The following CASP5 variants were observed in gnomAD, a reference collection of about 807,000 sequenced individuals.
CASP5 encodes caspase 5.
CASP5 carries 42 observed loss-of-function variants against 45.2 expected under a neutral mutation model. The observed-to-expected ratio is 0.93, with a 90% confidence interval of 0.73 to 1.20. The LOEUF is 1.20. Among genes scored for constraint, CASP5 ranks in the 50% most tolerant of loss-of-function variants. CASP5 has a pLI of 0.00. For missense variants in CASP5, 512 were observed against 532.2 expected (o/e 0.96, Z 0.37); for synonymous variants, 209 against 186.2 (o/e 1.12, Z -1.00).
chr11:105,023,146 C>T lies in CASP5; in HGVS notation c.-10G>A. On this transcript the variant is annotated 5_prime_UTR_variant, in exon 1 of 10. Coordinates refer to ENST00000260315, the MANE Select transcript of CASP5 (RefSeq NM_004347.5). ...CAGACTCACCAGCCATAGCTAACAG[C>T]CTCTGTCTCTTTGTACAGCACTGGA... The T allele has an allele frequency of 6.4e-7, 1 of 1,551,138 alleles. No individual in the cohort carries two copies. The highest frequency in any genetic ancestry group is 8.7e-7 in the Non-Finnish European group (1 of 1,146,436).
intron 8 of CASP5, 117 bp from the exon 9 acceptor site, chr11:104,995,959 C>T (rs936885111): frequency 6.3e-6 from 4 of 630,786 alleles, no homozygotes; most frequent in Non-Finnish European, 1.1e-5. Context: ...TAGGACCAAG[C>T]CCATGGATAT....
chr11:105,010,135 C>T (rs918642503), intron 1 of CASP5, among the ~76,000 whole-genome samples: 2 of 150,574 alleles, frequency 1.3e-5, no homozygotes, highest in African/African-American at 4.9e-5. Flanking sequence ...GGACATTGAA[C>T]AAAATTTTGG....
intron 1 of CASP5, among the ~76,000 whole-genome samples, chr11:105,017,428 T>C (rs549759974): frequency 6.6e-6 from 1 of 152,088 alleles, no homozygotes; most frequent in East Asian, 1.9e-4. Flanking sequence ...GAAGAATGTA[T>C]AACTAGAATA....
intron 4 of CASP5, among the ~76,000 whole-genome samples, 200 bp from the exon 5 acceptor site, chr11:105,002,401 G>A (rs1397266427): frequency 2.0e-5 from 3 of 152,124 alleles, no homozygotes; most frequent in Non-Finnish European, 4.4e-5. Context: ...GAATCTTGAG[G>A]AAACTAGAAT....
In CASP5 at chr11:105,008,961, T is replaced by G. The variant is rs1236126590; in HGVS notation, c.27A>C (p.Lys9Asn). 1.3e-6 allele frequency: 2 copies of G among 1,588,196 alleles called. No homozygotes were observed. Among genetic ancestry groups the G allele is most frequent in the African/African-American group, 2.7e-5 (2 of 73,796 alleles). MAEDSGKKKRRKNFEAMFK... is the reference protein window; with the variant it reads MAEDSGKKNRRKNFEAMFK... ...ACATAGCTTCAAAATTCTTACGCCT[T>G]TTTTTTTTGCCACTGTCTTCTATCA... Residue 9 changes from lysine to asparagine, a missense_variant, in exon 2 of 10, where the codon AAA becomes AAC. Coordinates refer to ENST00000260315, the MANE Select transcript of CASP5 (RefSeq NM_004347.5).
intron 2 of CASP5, among the ~76,000 whole-genome samples, chr11:105,007,994 A>G (rs574294028): frequency 4.6e-5 from 7 of 152,134 alleles, no homozygotes; most frequent in Non-Finnish European, 1.0e-4. Context: ...CTACTCTAGC[A>G]TGGTGAATTT....
chr11:105,012,590 CA>C (rs1862402825), intron 1 of CASP5, among the ~76,000 whole-genome samples: 1 of 151,550 alleles, frequency 6.6e-6, no homozygotes, highest in African/African-American at 2.4e-5. Flanking sequence ...ACAAATATTA[CA>C]AAATGAGCCA....
chr11:105,011,604 T>G (rs1263146367), intron 1 of CASP5, among the ~76,000 whole-genome samples: 3 of 151,684 alleles, frequency 2.0e-5, no homozygotes, highest in African/African-American at 7.2e-5. Flanking sequence ...GCAGTAAAGT[T>G]GAAGGATACA....
intron 9 of CASP5, among the ~76,000 whole-genome samples, chr11:104,995,474 T>A (rs1401367320): frequency 6.6e-6 from 1 of 152,222 alleles, no homozygotes; most frequent in Admixed American, 6.5e-5. Context: ...TATTTGTACA[T>A]TATTATTTTA....
Position 105,007,271 on chromosome 11 carries a change from C to A in CASP5, c.245G>T (p.Gly82Val), listed in dbSNP as rs1862052116. Residue 82 changes from glycine to valine, a missense_variant, in exon 3 of 10, where the codon GGT becomes GTT. By Grantham distance (109) the Gly-to-Val change is moderately radical (BLOSUM62 -3). Transcript: ENST00000260315. Reference sequence around the variant, plus strand: ...GTGTTTTGCCAAATAATTAAAAACACCATGAAGAACATCTTTGCCCAGGTA... The same window carrying A: ...GTGTTTTGCCAAATAATTAAAAACAACATGAAGAACATCTTTGCCCAGGTA... Reference protein sequence around the residue: ...LEYLGKDVLHGVFNYLAKHDV... With the variant: ...LEYLGKDVLHVVFNYLAKHDV... 1 of 1,611,518 alleles carries A rather than the reference C, an allele frequency of 6.2e-7. No individual in the cohort carries two copies.
intron 6 of CASP5, among the ~76,000 whole-genome samples, chr11:104,999,811 C>T (rs1477087343): frequency 6.6e-6 from 1 of 152,168 alleles, no homozygotes; most frequent in East Asian, 1.9e-4. Context: ...TAAATCCCCT[C>T]AAGTTTCCTT....
intron 4 of CASP5, among the ~76,000 whole-genome samples, chr11:105,003,009 C>A (rs565380137): frequency 1.3e-5 from 2 of 149,294 alleles, no homozygotes; most frequent in South Asian, 4.3e-4. Context: ...ACAGACTGGA[C>A]AACATAGGGA....
chr11:104,995,918 A>G, intron 8 of CASP5, 76 bp from the exon 9 acceptor site: 2 of 907,966 alleles, frequency 2.2e-6, no homozygotes, highest in South Asian at 1.4e-5. Flanking sequence ...GAACCAGGAA[A>G]TGCCTGAATG....
chr11:105,003,018 G>A (rs1861819147), intron 4 of CASP5, among the ~76,000 whole-genome samples: 1 of 141,854 alleles, frequency 7.0e-6, no homozygotes, highest in Non-Finnish European at 1.5e-5. Flanking sequence ...ACAACATAGG[G>A]AGACTATATC....
chr11:105,010,912 T>C (rs533608900), intron 1 of CASP5, among the ~76,000 whole-genome samples: 1 of 151,834 alleles, frequency 6.6e-6, no homozygotes, highest in South Asian at 2.1e-4. Context: ...AAGTATACAG[T>C]AACTCCGGAG....
At chr11:104,999,218 C>T (rs1371270004) in intron 6 of CASP5, among the ~76,000 whole-genome samples, 190 bp from the exon 7 acceptor site, 4 of 152,078 alleles carry the variant, frequency 2.6e-5, no homozygotes, top group Admixed American at 2.0e-4. Context: ...GCCCACCCCC[C>T]GACTGGCCCC....
chr11:105,022,049 C>G (rs1862992859), intron 1 of CASP5, among the ~76,000 whole-genome samples: 1 of 150,712 alleles, frequency 6.6e-6, no homozygotes. Flanking sequence ...TCTCAGTAAA[C>G]TATCACAAGA....
chr11:105,015,659 G>C (rs1313617157), intron 1 of CASP5, among the ~76,000 whole-genome samples: 1 of 151,758 alleles, frequency 6.6e-6, no homozygotes, highest in Non-Finnish European at 1.5e-5. Flanking sequence ...TCTACGACCA[G>C]TAAAGTCAGC....
rs114585661 is a variant in CASP5 at position 105,023,088 on chromosome 11, C to A, written c.7+42G>T. 5.0e-3 allele frequency: 7,779 copies of A among 1,546,878 alleles called. 305 individuals are homozygous for A. The African/African-American group carries it at 0.091, about 18-fold the overall frequency. ...GCAATAAATCAAGATTTTTCTAAGACCTGAGTACCCAGCTGCTAGTCAGAA... is the reference window on the plus strand; with the variant it reads ...GCAATAAATCAAGATTTTTCTAAGAACTGAGTACCCAGCTGCTAGTCAGAA... On this transcript the variant is annotated intron_variant, in intron 1 of 9. Transcript: ENST00000260315.
Sources: allele counts gnomAD v4.1 joint callset (sites outside exome capture counted in the v4.1 genomes callset), GRCh38; gene constraint gnomAD v4.1.1; transcripts MANE v1.5; gene names NCBI Gene and HGNC (gene_info 2026-07-23, HGNC 2026-07-21).